The following RREB1 variants were observed in gnomAD, a reference collection of about 807,000 sequenced individuals.
The protein encoded by RREB1 is ras-responsive element-binding protein 1.
Under a neutral mutation model 117.8 loss-of-function variants are expected in RREB1, and 27 were observed. That is an observed-to-expected ratio of 0.23 (90% confidence interval 0.17 to 0.32). The LOEUF (loss-of-function observed/expected upper bound fraction) is 0.32, where lower values mean the gene tolerates loss of function less well. RREB1 is among the 10% of genes least tolerant of loss of function. The probability of loss-of-function intolerance (pLI) is 1.00; values close to 1 mark genes in which losing one functional copy is unlikely to be tolerated. For synonymous variants in RREB1, 1,298 were observed against 1,026.7 expected, an observed-to-expected ratio of 1.26 and a Z score of -5.05; for missense variants, 2,577 against 2,378.2, an observed-to-expected ratio of 1.08 and a Z score of -1.74.
chr6:7,161,005 G>GT (rs1370709607), intron 1 of RREB1, among the ~76,000 whole-genome samples: 1 of 152,098 alleles, frequency 6.6e-6, no homozygotes, highest in African/African-American at 2.4e-5. Context: ...AACTTTTTGT[G>GT]TTTTTTGTCT....
intron 6 of RREB1, among the ~76,000 whole-genome samples, chr6:7,200,133 G>GT (rs1210362614): frequency 1.3e-5 from 2 of 150,214 alleles, no homozygotes; most frequent in Non-Finnish European, 3.0e-5. Context: ...TTTACTTTGT[G>GT]TTTTTTTCTT....
intron 1 of RREB1, among the ~76,000 whole-genome samples, chr6:7,136,198 G>C (rs1278185339): frequency 2.0e-5 from 3 of 152,166 alleles, no homozygotes; most frequent in Non-Finnish European, 4.4e-5. Flanking sequence ...TCTGATTTGA[G>C]TAGAAGTTTG....
At position 7,250,657 on chromosome 6, in the gene RREB1, A is replaced by G. The variant is rs1170164671; in HGVS notation, c.*1689A>G. ...CCTTCCCCTGGCCTTTTCTGGCCCC[A>G]GTGCTCCTCCTTTACATAGACTTGT... On this transcript the variant is annotated 3_prime_UTR_variant, in exon 13 of 13. Transcript: ENST00000379938. 1.3e-5 allele frequency: 2 copies of G among 152,084 alleles called. No individual in the cohort carries two copies. Among genetic ancestry groups the G allele is most frequent in the Admixed American group, 1.3e-4 (2 of 15,258 alleles). 9.4% of individuals were successfully genotyped at this position (152,084 alleles called of 1,614,324 possible).
chr6:7,246,385 G>A, intron 11 of RREB1, 39 bp from the exon 12 acceptor site: 1 of 1,432,038 alleles, frequency 7.0e-7, no homozygotes, highest in Non-Finnish European at 9.2e-7. Context: ...GTACCTGGTG[G>A]TGCCCCTCTG....
In RREB1 at chr6:7,246,497, G is replaced by A. The variant is rs527808283; in HGVS notation, c.4047G>A (p.Gln1349=). Residue 1349 remains glutamine, a synonymous_variant, in exon 12 of 13, where the codon CAG becomes CAA. Transcript: ENST00000379938. ...ACCTCACCTCACGGGACAGAGAGCAGCCGTCGGAGGGCGCCACTGAGCTCC... is the reference window on the plus strand; with the variant it reads ...ACCTCACCTCACGGGACAGAGAGCAACCGTCGGAGGGCGCCACTGAGCTCC... ...VLDLTSRDRE[Q]PSEGATELRQ... is the part of the protein sequence containing the mutation. 7.8e-6 allele frequency: 12 copies of A among 1,544,310 alleles called. No individual in the cohort carries two copies. The East Asian group carries it at 2.9e-4, about 38-fold the overall frequency.
intron 1 of RREB1, among the ~76,000 whole-genome samples, chr6:7,114,718 C>T (rs1761311882): frequency 6.6e-6 from 1 of 152,128 alleles, no homozygotes; most frequent in South Asian, 2.1e-4. Flanking sequence ...CTCTTATTTG[C>T]CTCTGAGGTA....
chr6:7,115,112 C>T (rs781298275), intron 1 of RREB1, among the ~76,000 whole-genome samples: 2 of 151,900 alleles, frequency 1.3e-5, no homozygotes, highest in Non-Finnish European at 2.9e-5. Context: ...AACCGTCTGC[C>T]GTTTTTATAG....
At chr6:7,241,888 T>C (rs1282388603) in intron 11 of RREB1, among the ~76,000 whole-genome samples, 1 of 152,256 alleles carries the variant, frequency 6.6e-6, no homozygotes, top group Non-Finnish European at 1.5e-5. Flanking sequence ...AAGATGTGGG[T>C]GCCCACGGAA....
chr6:7,236,146 C>T (rs1192174227), intron 10 of RREB1, among the ~76,000 whole-genome samples: 2 of 152,152 alleles, frequency 1.3e-5, no homozygotes, highest in East Asian at 1.9e-4. Context: ...GGGAGCATCT[C>T]GTGTGTTTTT....
At chr6:7,193,028 T>G (rs1765489955) in intron 6 of RREB1, among the ~76,000 whole-genome samples, 1 of 152,234 alleles carries the variant, frequency 6.6e-6, no homozygotes, top group Admixed American at 6.5e-5. Context: ...CCCTTGTGAG[T>G]TCTTCTTTGA....
chr6:7,142,149 A>G (rs1419158297), intron 1 of RREB1, among the ~76,000 whole-genome samples: 1 of 151,256 alleles, frequency 6.6e-6, no homozygotes, highest in African/African-American at 2.4e-5. Flanking sequence ...TGGGAGGTGG[A>G]GGTTGCAGTG....
chr6:7,125,114 T>C (rs565921960), intron 1 of RREB1, among the ~76,000 whole-genome samples: 11 of 152,358 alleles, frequency 7.2e-5, no homozygotes, highest in African/African-American at 2.6e-4. Context: ...TCTTCACTTC[T>C]GTGATGGTCA....
chr6:7,240,899 A>G (rs907278495), intron 11 of RREB1, among the ~76,000 whole-genome samples: 1 of 152,016 alleles, frequency 6.6e-6, no homozygotes, highest in East Asian at 1.9e-4. Context: ...TTTGTTCCCG[A>G]TGTTGGGAGG....
intron 1 of RREB1, among the ~76,000 whole-genome samples, chr6:7,127,905 C>T (rs1025498311): frequency 1.2e-4 from 19 of 152,040 alleles, no homozygotes; most frequent in African/African-American, 4.6e-4. Flanking sequence ...GCAGCTGAAA[C>T]AGCCAACAAA....
intron 1 of RREB1, among the ~76,000 whole-genome samples, chr6:7,176,035 A>C (rs1032412715): frequency 6.6e-6 from 1 of 152,154 alleles, no homozygotes; most frequent in African/African-American, 2.4e-5. Flanking sequence ...CTCCCACCTC[A>C]GCTCCAGAGT....
intron 1 of RREB1, among the ~76,000 whole-genome samples, chr6:7,133,206 T>C (rs943172212): frequency 2.6e-5 from 4 of 152,198 alleles, no homozygotes; most frequent in Admixed American, 1.3e-4. Context: ...CCTGGAGAGA[T>C]GCAGGGGGCA....
At chr6:7,220,331 T>C (rs1767174407) in intron 8 of RREB1, among the ~76,000 whole-genome samples, 1 of 152,238 alleles carries the variant, frequency 6.6e-6, no homozygotes, top group Non-Finnish European at 1.5e-5. Context: ...GCTAAGCAGC[T>C]CCTGTAAGTT....
At chr6:7,114,060 G>A (rs1761270902) in intron 1 of RREB1, among the ~76,000 whole-genome samples, 2 of 152,166 alleles carry the variant, frequency 1.3e-5, no homozygotes, top group Non-Finnish European at 2.9e-5. Flanking sequence ...TCAGATTGGG[G>A]AAATGCAGCA....
chr6:7,136,877 G>C (rs985042335), intron 1 of RREB1, among the ~76,000 whole-genome samples: 1 of 152,162 alleles, frequency 6.6e-6, no homozygotes, highest in African/African-American at 2.4e-5. Context: ...TTATTAAAAA[G>C]GTATGCATAG....
Sources: allele counts gnomAD v4.1 joint callset (sites outside exome capture counted in the v4.1 genomes callset), GRCh38; gene constraint gnomAD v4.1.1; transcripts MANE v1.5; gene names NCBI Gene and HGNC (gene_info 2026-07-23, HGNC 2026-07-21).